TF: variants seen among roughly 807,000 people sequenced by gnomAD.
TF encodes transferrin, also known as serotransferrin.
Under a neutral mutation model 82.4 loss-of-function variants are expected in TF, and 55 were observed. That is an observed-to-expected ratio of 0.67 (90% CI 0.54 to 0.84). The LOEUF (loss-of-function observed/expected upper bound fraction) is 0.84. Among genes scored for constraint, TF ranks in the 40% least tolerant of loss-of-function variants. The pLI is 0.00. For synonymous variants in TF, 332 were observed against 332.6 expected (o/e 1.00, Z 0.02); for missense variants, 737 against 868.4 (o/e 0.85, Z 1.90).
Position 133,787,640 on chromosome 3 carries a change from T to C in TF, c.*9020T>C, listed in dbSNP as rs557468330. On this transcript the variant is annotated 3_prime_UTR_variant, in exon 17 of 17. Coordinates refer to ENST00000402696, the MANE Select transcript of TF (RefSeq NM_001063.4). ...AAATCACCTCTGTGAACAGTGTTACTTGTTCATTCAGTTGAGGAAGGTGAG... is the reference window on the plus strand; with the variant it reads ...AAATCACCTCTGTGAACAGTGTTACCTGTTCATTCAGTTGAGGAAGGTGAG... 6.6e-6 allele frequency: 1 copy of C among 152,348 alleles called. No individual in the cohort carries two copies. The highest frequency in any genetic ancestry group is 1.9e-4 in the East Asian group (1 of 5,192). 9.4% of individuals were successfully genotyped at this position (152,348 alleles called of 1,614,324 possible). A position where few individuals can be genotyped will look rare whatever the true frequency, so the allele number is the denominator to read the frequency against.
the TF span, among the ~76,000 whole-genome samples, chr3:133,697,153 A>G: frequency 5.3e-5 from 8 of 152,202 alleles, no homozygotes; most frequent in African/African-American, 1.7e-4. Flanking sequence ...CACATTGACT[A>G]TAATTATTAC....
rs778125842 is a variant in TF, at chr3:133,781,430, TAGTG to T, written c.*2814_*2817del. ...AAATAACTTTCTTTTATACAAATAA[TAGTG>T]AGTTAGGACAATAATAATTAACAAG... On this transcript the variant is annotated 3_prime_UTR_variant, in exon 17 of 17. Coordinates refer to ENST00000402696, the MANE Select transcript of TF (RefSeq NM_001063.4). 2 of 152,202 alleles carry T rather than the reference TAGTG, an allele frequency of 1.3e-5. No homozygotes were observed. The highest frequency in any genetic ancestry group is 3.9e-4 in the East Asian group (2 of 5,192). 9.4% of individuals were successfully genotyped at this position (152,202 alleles called of 1,614,324 possible).
the TF span, among the ~76,000 whole-genome samples, chr3:133,717,001 C>T: frequency 7.4e-3 from 1,121 of 152,318 alleles, 14 homozygotes; most frequent in African/African-American, 0.026. Context: ...TCAGGGCAGA[C>T]TTTCCTGGCC....
intron 2 of TF, among the ~76,000 whole-genome samples, chr3:133,751,720 G>A (rs62280593): frequency 8.5e-5 from 13 of 152,208 alleles, no homozygotes; most frequent in South Asian, 2.1e-4. Flanking sequence ...GGCTGGGTGC[G>A]GTGGCTCACG....
chr3:133,778,655 T>G lies in TF; in HGVS notation c.*35T>G. ...GGTAGGGCTGCCACCAAGGTGAAGATGGGAACGCAGATGATCCATGAGTTT... is the reference window on the plus strand; with the variant it reads ...GGTAGGGCTGCCACCAAGGTGAAGAGGGGAACGCAGATGATCCATGAGTTT... On this transcript the variant is annotated 3_prime_UTR_variant, in exon 17 of 17. Coordinates refer to ENST00000402696, the MANE Select transcript of TF (RefSeq NM_001063.4). 1 of 1,611,850 alleles carries G rather than the reference T, an allele frequency of 6.2e-7. No homozygotes were observed. Among genetic ancestry groups the G allele is most frequent in the East Asian group, 2.2e-5 (1 of 44,790 alleles).
the TF span, among the ~76,000 whole-genome samples, chr3:133,727,484 C>A: frequency 9.0e-6 from 1 of 110,648 alleles, no homozygotes; most frequent in South Asian, 3.6e-4. Context: ...CAACCCCTGC[C>A]TTTTTTTGTT....
At chr3:133,756,429 A>G in intron 6 of TF, 92 bp downstream of exon 6, 2 of 1,359,310 alleles carry the variant, frequency 1.5e-6, no homozygotes, top group Non-Finnish European at 2.1e-6. Context: ...ATTGGAAATG[A>G]GCATACTGTA....
At chr3:133,677,787 G>T in the TF span, among the ~76,000 whole-genome samples, 1 of 151,856 alleles carries the variant, frequency 6.6e-6, no homozygotes, top group African/African-American at 2.4e-5. Context: ...AGGCTCAAGC[G>T]ATCCTCCTAT....
intron 1 of TF, 143 bp from the exon 2 acceptor site, chr3:133,748,269 C>T: frequency 9.5e-7 from 1 of 1,051,302 alleles, no homozygotes; most frequent in Non-Finnish European, 1.4e-6. Flanking sequence ...TGCAGTAGAA[C>T]TTGTGCCCTG....
the TF span, among the ~76,000 whole-genome samples, chr3:133,663,482 T>TG: frequency 7.6e-6 from 1 of 130,886 alleles, no homozygotes; most frequent in Non-Finnish European, 1.7e-5. Flanking sequence ...TCACTAGAGG[T>TG]GGGAAAAAAA....
At chr3:133,694,047 C>T in the TF span, among the ~76,000 whole-genome samples, 29 of 152,334 alleles carry the variant, frequency 1.9e-4, 1 homozygote, top group East Asian at 4.4e-3. Context: ...TGCCAGCCAC[C>T]TCCAGCAGGC....
the TF span, among the ~76,000 whole-genome samples, chr3:133,662,647 G>C: frequency 7.1e-6 from 1 of 140,284 alleles, no homozygotes; most frequent in African/African-American, 2.7e-5. Context: ...AGATGGCAGA[G>C]AGCAAAGGGA....
At chr3:133,705,274 CAAAA>C in the TF span, among the ~76,000 whole-genome samples, 5 of 137,754 alleles carry the variant, frequency 3.6e-5, no homozygotes, top group African/African-American at 2.7e-5. Flanking sequence ...AACTCCATCT[CAAAA>C]AAAAAAAAAA....
chr3:133,748,695 C>A, intron 2 of TF, 111 bp downstream of exon 2: 1 of 1,353,630 alleles, frequency 7.4e-7, no homozygotes, highest in Non-Finnish European at 1.0e-6. Flanking sequence ...ATGGGGCAGT[C>A]AACCTTGACT....
At chr3:133,728,374 C>A in the TF span, among the ~76,000 whole-genome samples, 1 of 151,984 alleles carries the variant, frequency 6.6e-6, no homozygotes, top group Admixed American at 6.5e-5. Context: ...TTTTTCTCTA[C>A]ACTTCCCTTC....
At chr3:133,760,503 A>G (rs1246361249) in intron 9 of TF, 1 of 153,388 alleles carries the variant, frequency 6.5e-6, no homozygotes, top group African/African-American at 2.4e-5. Flanking sequence ...GAGTCTATAC[A>G]AATCTGTTAG....
the TF span, among the ~76,000 whole-genome samples, chr3:133,669,740 C>A: frequency 6.6e-6 from 1 of 152,080 alleles, no homozygotes; most frequent in Non-Finnish European, 1.5e-5. Flanking sequence ...CACTCCCACC[C>A]TAACAAATCA....
chr3:133,720,548 G>C, the TF span, among the ~76,000 whole-genome samples: 2 of 151,950 alleles, frequency 1.3e-5, no homozygotes, highest in Non-Finnish European at 2.9e-5. Context: ...GTGTTGATCT[G>C]TAGTTTTCTT....
chr3:133,716,629 T>C, the TF span, among the ~76,000 whole-genome samples: 2 of 152,178 alleles, frequency 1.3e-5, no homozygotes, highest in Non-Finnish European at 2.9e-5. Flanking sequence ...CAGGTCTCCA[T>C]GCATCTGTCT....
Sources: gnomAD v4.1 joint callset for allele counts (sites outside exome capture counted in the v4.1 genomes callset) on GRCh38, gnomAD v4.1.1 for gene constraint, MANE v1.5 for transcripts, NCBI Gene and HGNC (gene_info 2026-07-23, HGNC 2026-07-21) for gene names.